The following CRAMP1 variants were observed in gnomAD, a reference collection of about 807,000 sequenced individuals.
The protein encoded by CRAMP1 is protein cramped-like.
A neutral mutation model predicts 115.4 loss-of-function variants in CRAMP1; 50 were observed. The observed-to-expected ratio is 0.43, with a 90% CI of 0.35 to 0.55. The LOEUF is 0.55. Ranked by LOEUF, CRAMP1 falls within the 20% of genes least tolerant of loss-of-function variation. CRAMP1 has a pLI of 0.01. For missense variants in CRAMP1, 1,679 were observed against 1,721.7 expected (o/e 0.98, Z 0.44); for synonymous variants, 866 against 745.4 (o/e 1.16, Z -2.64).
At chr16:1,630,955 C>T (rs1043775209) in intron 3 of CRAMP1, among the ~76,000 whole-genome samples, 2 of 152,208 alleles carry the variant, frequency 1.3e-5, no homozygotes, top group Non-Finnish European at 2.9e-5. Flanking sequence ...TTGCCTTGGT[C>T]GCTGCCCTCA....
At chr16:1,659,238 C>T (rs760460938) in intron 10 of CRAMP1, among the ~76,000 whole-genome samples, 12 of 152,202 alleles carry the variant, frequency 7.9e-5, no homozygotes, top group East Asian at 1.9e-4. Flanking sequence ...CACTTGCCAT[C>T]CGGCACCTCT....
At position 1,656,652 on chromosome 16, in the gene CRAMP1, T is replaced by G; in HGVS notation, c.1895T>G (p.Leu632Trp). Reference sequence around the variant, plus strand: ...CTGCTGGATGTTTGCACTAAAGACTTGGCAGATGCACCTGCGGAGGAGCTC... The same window carrying G: ...CTGCTGGATGTTTGCACTAAAGACTGGGCAGATGCACCTGCGGAGGAGCTC... ...GLLLDVCTKDLADAPAEELQE... is the reference protein window; with the variant it reads ...GLLLDVCTKDWADAPAEELQE... The change falls in exon 10 of 21, where the codon TTG (leucine) becomes TGG (tryptophan). Residue 632 changes from leucine (L) to tryptophan (W), a missense_variant. By Grantham distance (61) the Leu-to-Trp change is moderately conservative (BLOSUM62 -2). Transcript: ENST00000397412. This position sits in a 1 kb window ranked among gnomAD's most constrained non-coding sequence, Gnocchi z 5.6. 1.3e-6 allele frequency: 2 copies of G among 1,577,886 alleles called. No individual in the cohort carries two copies. The highest frequency in any genetic ancestry group is 1.7e-6 in the Non-Finnish European group (2 of 1,163,052).
At chr16:1,626,314 T>TG (rs2036507885) in intron 3 of CRAMP1, 148 bp downstream of exon 3, 1 of 523,762 alleles carries the variant, frequency 1.9e-6, no homozygotes, top group Non-Finnish European at 2.9e-6. Context: ...ATGTGGGCTC[T>TG]AGCCTTGCCC....
intron 6 of CRAMP1, among the ~76,000 whole-genome samples, chr16:1,641,491 C>T (rs1176828613): frequency 6.6e-6 from 1 of 152,204 alleles, no homozygotes; most frequent in Non-Finnish European, 1.5e-5. Flanking sequence ...GCTCCTTTTC[C>T]TCCACCTTTG....
intron 4 of CRAMP1, among the ~76,000 whole-genome samples, chr16:1,634,541 C>CCCCTGTGCTT (rs1274388608): frequency 6.6e-6 from 1 of 152,164 alleles, no homozygotes; most frequent in African/African-American, 2.4e-5. Context: ...TCCGTGTGGG[C>CCCCTGTGCTT]CCCTGTGCTT....
intron 4 of CRAMP1, among the ~76,000 whole-genome samples, chr16:1,637,190 A>G (rs770791732): frequency 6.6e-6 from 1 of 151,980 alleles, no homozygotes; most frequent in Non-Finnish European, 1.5e-5. Flanking sequence ...GCTACTTGGG[A>G]GGCTGAGGCA....
intron 11 of CRAMP1, 21 bp from the exon 12 acceptor site, chr16:1,662,469 T>G: frequency 3.1e-6 from 5 of 1,600,110 alleles, no homozygotes; most frequent in Non-Finnish European, 4.3e-6. Context: ...GTCACACTGA[T>G]TCTCTCCTCT....
At chr16:1,632,591 C>G (rs902101642) in intron 4 of CRAMP1, among the ~76,000 whole-genome samples, 3 of 152,260 alleles carry the variant, frequency 2.0e-5, no homozygotes, top group Non-Finnish European at 2.9e-5. Flanking sequence ...AGGGTTCTTA[C>G]CACTGCTTTT....
At chr16:1,621,683 C>T (rs2036467143) in intron 2 of CRAMP1, among the ~76,000 whole-genome samples, 1 of 152,080 alleles carries the variant, frequency 6.6e-6, no homozygotes, top group Admixed American at 6.5e-5. Context: ...GGCCTGGGAC[C>T]AGGCTTGGGT....
rs202102743 is a variant in CRAMP1 at position 1,628,668 on chromosome 16, TG to T, written c.540+2506del. Among the ~76,000 whole-genome samples the T allele has an allele frequency of 7.9e-3, 1,210 of 152,316 alleles. 6 individuals are homozygous for T. Among genetic ancestry groups the T allele is most frequent in the Non-Finnish European group, 0.011 (781 of 68,026 alleles). ...GGTGTGACTGTGAACCCTCAAGCTGTGGGGTGACGGTGACTGGGCACAGGCC... is the reference window on the plus strand; with the variant it reads ...GGTGTGACTGTGAACCCTCAAGCTGTGGGTGACGGTGACTGGGCACAGGCC... On this transcript the variant is annotated intron_variant, in intron 3 of 20. Coordinates refer to ENST00000397412, the MANE Select transcript of CRAMP1 (RefSeq NM_020825.4).
At chr16:1,619,381 G>A (rs1403761231) in intron 2 of CRAMP1, among the ~76,000 whole-genome samples, 7 of 152,074 alleles carry the variant, frequency 4.6e-5, no homozygotes, top group African/African-American at 1.2e-4. Flanking sequence ...GGGTTTTACC[G>A]TATGGCCCAG....
chr16:1,634,484 A>C (rs1326515603), intron 4 of CRAMP1, among the ~76,000 whole-genome samples: 2 of 145,474 alleles, frequency 1.4e-5, no homozygotes, highest in Non-Finnish European at 3.0e-5. Flanking sequence ...ATGCTCCCTC[A>C]CACCTCTCGG....
chr16:1,615,029 G>A, intron 2 of CRAMP1, 44 bp downstream of exon 2: 1 of 1,143,392 alleles, frequency 8.7e-7, no homozygotes, highest in African/African-American at 1.6e-5. Flanking sequence ...CCCTCTCCGG[G>A]GTGTGCCGCG....
intron 6 of CRAMP1, among the ~76,000 whole-genome samples, chr16:1,651,318 TGA>T (rs1458162494): frequency 6.8e-6 from 1 of 147,240 alleles, no homozygotes; most frequent in African/African-American, 2.5e-5. Flanking sequence ...AGAGGTCGAC[TGA>T]GAGGTCACAC....
At chr16:1,637,154 C>T (rs1567451766) in intron 4 of CRAMP1, among the ~76,000 whole-genome samples, 1 of 152,128 alleles carries the variant, frequency 6.6e-6, no homozygotes, top group Non-Finnish European at 1.5e-5. Context: ...TTAGCCAGGC[C>T]ATAATGGTGT....
chr16:1,670,790 C>T lies in CRAMP1; in HGVS notation c.3626C>T (p.Ser1209Phe), dbSNP rs757470497. Reference protein sequence around the residue: ...GNSRDSFVSRSLADVAEVVDS... With the variant: ...GNSRDSFVSRFLADVAEVVDS... ...TCGCGGGACTCATTTGTGTCCAGGTCCCTGGCTGACGTTGCAGAGGTGAGT... is the reference window on the plus strand; with the variant it reads ...TCGCGGGACTCATTTGTGTCCAGGTTCCTGGCTGACGTTGCAGAGGTGAGT... The change falls in exon 20 of 21, where the codon TCC (serine) becomes TTC (phenylalanine). Residue 1209 changes from serine to phenylalanine, a missense_variant. Physicochemically the swap from Ser to Phe is radical, Grantham distance 155. This residue lies in a region of CRAMP1 where 709 missense variants were observed against 741.9 expected (regional missense o/e 0.96). Transcript: ENST00000397412. 1 of 1,613,952 alleles carries T rather than the reference C, an allele frequency of 6.2e-7. No homozygotes were observed. The highest frequency in any genetic ancestry group is 2.2e-5 in the East Asian group (1 of 44,882).
intron 2 of CRAMP1, among the ~76,000 whole-genome samples, chr16:1,619,866 G>A (rs977349359): frequency 7.9e-5 from 12 of 152,198 alleles, no homozygotes; most frequent in African/African-American, 2.9e-4. Flanking sequence ...ACATCTCAGA[G>A]TCTGGCGACC....
At chr16:1,667,809 CGAGTGTGTTCCT>C (rs1181238900) in intron 17 of CRAMP1, among the ~76,000 whole-genome samples, 141 bp from the exon 18 acceptor site, 1 of 152,180 alleles carries the variant, frequency 6.6e-6, no homozygotes, top group Non-Finnish European at 1.5e-5. Context: ...ATAAATTCCC[CGAGTGTGTTCCT>C]GAGTTGGAAG....
intron 6 of CRAMP1, among the ~76,000 whole-genome samples, chr16:1,645,613 A>G (rs1210104582): frequency 1.4e-4 from 22 of 152,104 alleles, no homozygotes; most frequent in Admixed American, 1.4e-3. Flanking sequence ...GGGTAATGAC[A>G]TGTGCCCACC....
Sources: gnomAD v4.1 joint callset for allele counts (sites outside exome capture counted in the v4.1 genomes callset) on GRCh38, gnomAD v4.1.1 for gene constraint, gnomAD v4.1.1 regional missense constraint, Gnocchi (gnomAD v3.1) non-coding constraint, MANE v1.5 for transcripts, NCBI Gene and HGNC (gene_info 2026-07-23, HGNC 2026-07-21) for gene names.